The following SORCS3 variants were observed in gnomAD, a reference collection of about 807,000 sequenced individuals.
The protein encoded by SORCS3 is sortilin related VPS10 domain containing receptor 3.
Under a neutral mutation model 146.3 loss-of-function variants are expected in SORCS3, and 57 were observed. The observed-to-expected ratio is 0.39, with a 90% CI of 0.31 to 0.49. The LOEUF (loss-of-function observed/expected upper bound fraction) is 0.49. Ranked by LOEUF, SORCS3 falls within the 20% of genes least tolerant of loss-of-function variation. The pLI is 0.92. For synonymous variants in SORCS3, 653 were observed against 618.5 expected, an observed-to-expected ratio of 1.06 and a Z score of -0.83; for missense variants, 1,341 against 1,575.5, an observed-to-expected ratio of 0.85 and a Z score of 2.52.
At chr10:104,994,793 T>C (rs2055014606) in intron 4 of SORCS3, among the ~76,000 whole-genome samples, 1 of 152,240 alleles carries the variant, frequency 6.6e-6, no homozygotes, top group Non-Finnish European at 1.5e-5. Flanking sequence ...TCCTCTTTTA[T>C]TGTTTCGCTG....
chr10:105,019,251 G>A (rs2055185383), intron 4 of SORCS3, among the ~76,000 whole-genome samples: 1 of 152,108 alleles, frequency 6.6e-6, no homozygotes, highest in African/African-American at 2.4e-5. Context: ...AAACTGAAGG[G>A]AGAATATGAC....
chr10:105,033,217 A>C (rs1173976925), intron 4 of SORCS3, among the ~76,000 whole-genome samples: 2 of 152,254 alleles, frequency 1.3e-5, no homozygotes, highest in Admixed American at 1.3e-4. Context: ...ATTCATGCAC[A>C]GCATACTCAA....
At chr10:104,987,081 T>C (rs1414701547) in intron 4 of SORCS3, among the ~76,000 whole-genome samples, 2 of 152,072 alleles carry the variant, frequency 1.3e-5, no homozygotes, top group African/African-American at 4.8e-5. Flanking sequence ...ACATATTACA[T>C]ATATAAATAT....
At chr10:104,734,140 C>G (rs1261985869) in intron 1 of SORCS3, among the ~76,000 whole-genome samples, 2 of 152,134 alleles carry the variant, frequency 1.3e-5, no homozygotes, top group Non-Finnish European at 2.9e-5. Flanking sequence ...CAAAATTTGT[C>G]TACTTTTGTG....
At chr10:105,028,462 T>C (rs548778644) in intron 4 of SORCS3, among the ~76,000 whole-genome samples, 1 of 152,254 alleles carries the variant, frequency 6.6e-6, no homozygotes, top group African/African-American at 2.4e-5. Context: ...GCTTCTCCAC[T>C]ACCTCCCCGT....
intron 19 of SORCS3, among the ~76,000 whole-genome samples, chr10:105,218,304 T>A (rs1323225812): frequency 6.6e-6 from 1 of 152,236 alleles, no homozygotes; most frequent in Non-Finnish European, 1.5e-5. Context: ...TAATTCTGAC[T>A]GCTACCTTGC....
intron 6 of SORCS3, among the ~76,000 whole-genome samples, 158 bp from the exon 7 acceptor site, chr10:105,105,239 T>G (rs1230594237): frequency 1.3e-5 from 2 of 152,214 alleles, no homozygotes; most frequent in Non-Finnish European, 1.5e-5. Context: ...TACGATTTTT[T>G]GGGAATTATT....
At chr10:105,161,253 G>A (rs1464531462) in intron 11 of SORCS3, among the ~76,000 whole-genome samples, 2 of 152,168 alleles carry the variant, frequency 1.3e-5, no homozygotes, top group Non-Finnish European at 2.9e-5. Flanking sequence ...ACTGGCGCGT[G>A]CCTCTTCATA....
intron 1 of SORCS3, among the ~76,000 whole-genome samples, chr10:104,714,231 T>C (rs2016451503): frequency 1.3e-5 from 2 of 152,094 alleles, no homozygotes; most frequent in African/African-American, 4.8e-5. Flanking sequence ...TCTCTATTGT[T>C]TTTCTGTTTT....
At chr10:104,794,660 A>AGAGAGAGAG (rs2017533426) in intron 1 of SORCS3, among the ~76,000 whole-genome samples, 2 of 124,768 alleles carry the variant, frequency 1.6e-5, no homozygotes, top group African/African-American at 6.3e-5. Flanking sequence ...AGAGAGAGAG[A>AGAGAGAGAG]ATATTATCCA....
intron 7 of SORCS3, among the ~76,000 whole-genome samples, chr10:105,113,773 G>C (rs987809914): frequency 3.3e-5 from 5 of 152,202 alleles, no homozygotes; most frequent in African/African-American, 1.2e-4. Flanking sequence ...TAATCTGTCA[G>C]TTCCTTTTCT....
chr10:104,933,015 G>A (rs1374851073), intron 3 of SORCS3, among the ~76,000 whole-genome samples: 1 of 152,144 alleles, frequency 6.6e-6, no homozygotes, highest in Non-Finnish European at 1.5e-5. Flanking sequence ...ACAGACATGA[G>A]CCACTGTGCT....
intron 1 of SORCS3, among the ~76,000 whole-genome samples, chr10:104,736,774 CTTT>C (rs141199251): frequency 0.015 from 2,195 of 145,920 alleles, 52 homozygotes; most frequent in African/African-American, 0.048. Flanking sequence ...GGCATGTTTT[CTTT>C]TTTTTTTTTT....
In SORCS3 at chr10:105,127,353, A is replaced by G. The variant is rs574753098; in HGVS notation, c.1213-12044A>G. On this transcript the variant is annotated intron_variant, in intron 7 of 26. Coordinates refer to ENST00000369701, the MANE Select transcript of SORCS3 (RefSeq NM_014978.3). ...TTTTCTTTGTATTTTACTTATTCTGACTCTGGAAACACAGATTTTAGAAGC... is the reference window on the plus strand; with the variant it reads ...TTTTCTTTGTATTTTACTTATTCTGGCTCTGGAAACACAGATTTTAGAAGC... 6.6e-5 allele frequency among the ~76,000 whole-genome samples: 10 copies of G among 152,122 alleles called. No individual in the cohort carries two copies. In the South Asian group the frequency reaches 2.1e-3, roughly 32 times the overall value.
chr10:104,707,851 A>G lies in SORCS3; in HGVS notation c.627+65897A>G, dbSNP rs190937475. On this transcript the variant is annotated intron_variant, in intron 1 of 26. Transcript: ENST00000369701. The stretch of plus-strand genomic sequence containing the variant: ...TCCAAGCCTGTTCTTTATCCCTTAT[A>G]TTAGGAAGGATTTGCCCATGACAGT... Among the ~76,000 whole-genome samples, 11 of 152,208 alleles carry G rather than the reference A, an allele frequency of 7.2e-5. No individual in the cohort carries two copies. The East Asian group carries it at 1.7e-3, about 24-fold the overall frequency.
At chr10:104,806,623 G>A (rs1197660236) in intron 1 of SORCS3, among the ~76,000 whole-genome samples, 1 of 152,114 alleles carries the variant, frequency 6.6e-6, no homozygotes, top group African/African-American at 2.4e-5. Context: ...CGTAAGTTTT[G>A]TTTCATAATA....
intron 1 of SORCS3, among the ~76,000 whole-genome samples, chr10:104,830,504 C>G (rs2017988322): frequency 6.6e-6 from 1 of 152,158 alleles, no homozygotes; most frequent in African/African-American, 2.4e-5. Context: ...AGACCCATCC[C>G]CATTGCTTCC....
intron 8 of SORCS3, among the ~76,000 whole-genome samples, chr10:105,142,895 T>C (rs1213471275): frequency 6.6e-6 from 1 of 152,162 alleles, no homozygotes; most frequent in East Asian, 1.9e-4. Flanking sequence ...TCTTAGAAAA[T>C]TCATTATAAT....
intron 1 of SORCS3, among the ~76,000 whole-genome samples, chr10:104,663,520 G>A (rs148748665): frequency 1.8e-4 from 28 of 152,188 alleles, no homozygotes; most frequent in Admixed American, 5.2e-4. Flanking sequence ...TCCTCTCTCC[G>A]CATGGCATCT....
Sources: gnomAD v4.1 joint callset for allele counts (sites outside exome capture counted in the v4.1 genomes callset) on GRCh38, gnomAD v4.1.1 for gene constraint, MANE v1.5 for transcripts, NCBI Gene and HGNC (gene_info 2026-07-23, HGNC 2026-07-21) for gene names.